The following MAF variants were observed in gnomAD, a reference collection of about 807,000 sequenced individuals.
The protein encoded by MAF is transcription factor Maf.
Under a neutral mutation model 22.0 loss-of-function variants are expected in MAF, and 10 were observed. The observed-to-expected ratio is 0.45, with a 90% CI of 0.28 to 0.77. The LOEUF is 0.77. Among genes scored for constraint, MAF ranks in the 30% least tolerant of loss-of-function variants. MAF has a pLI of 0.12. For synonymous variants in MAF, 337 were observed against 255.8 expected, an observed-to-expected ratio of 1.32 and a Z score of -3.03; for missense variants, 544 against 548.4, an observed-to-expected ratio of 0.99 and a Z score of 0.08.
the MAF span, among the ~76,000 whole-genome samples, chr16:79,448,357 A>C: frequency 9.2e-5 from 14 of 151,764 alleles, no homozygotes; most frequent in African/African-American, 3.4e-4. Flanking sequence ...GACTTTCTGA[A>C]GGCTCAGATG....
chr16:79,490,843 G>A, the MAF span, among the ~76,000 whole-genome samples: 2 of 152,200 alleles, frequency 1.3e-5, no homozygotes, highest in African/African-American at 4.8e-5. Context: ...CTCTTGGGCT[G>A]TCATGTTCCC....
chr16:79,482,535 G>A, the MAF span, among the ~76,000 whole-genome samples: 1 of 152,152 alleles, frequency 6.6e-6, no homozygotes, highest in Non-Finnish European at 1.5e-5. Flanking sequence ...ACAATCTGAT[G>A]AGGAAGTCTC....
At chr16:79,211,576 ATTT>A in the MAF span, 1 of 1,607,964 alleles carries the variant, frequency 6.2e-7, no homozygotes, top group Non-Finnish European at 8.5e-7. Flanking sequence ...TTTTCTTAAA[ATTT>A]TTTTTTGTCT....
chr16:79,352,093 G>C, the MAF span, among the ~76,000 whole-genome samples: 3 of 152,248 alleles, frequency 2.0e-5, no homozygotes, highest in African/African-American at 7.2e-5. Flanking sequence ...AGTTCTTAGG[G>C]GAGATGGCAC....
chr16:79,250,385 G>T, the MAF span, among the ~76,000 whole-genome samples: 1 of 152,256 alleles, frequency 6.6e-6, no homozygotes, highest in Admixed American at 6.5e-5. Flanking sequence ...CCGCAACTCA[G>T]CTGTCTCCAA....
chr16:79,516,580 G>A, the MAF span, among the ~76,000 whole-genome samples: 127,439 of 152,206 alleles, frequency 0.84, 53,620 homozygotes, highest in East Asian at 0.92. Context: ...GTTGACATTT[G>A]TCAAATGTTT....
the MAF span, among the ~76,000 whole-genome samples, chr16:79,233,667 C>A: frequency 2.0e-5 from 3 of 152,016 alleles, no homozygotes; most frequent in Non-Finnish European, 2.9e-5. Context: ...GTAATATTGA[C>A]ATTTGAAAAA....
At position 79,599,857 on chromosome 16, in the gene MAF, G is replaced by T; in HGVS notation, c.46C>A (p.Pro16Thr). The T allele has an allele frequency of 6.2e-7, 1 of 1,609,648 alleles. No homozygotes were observed. Among genetic ancestry groups the T allele is most frequent in the Non-Finnish European group, 8.5e-7 (1 of 1,179,890 alleles). Reference sequence around the variant, plus strand: ...TCATTAACATATTCCATGGCCAGGGGACTGGTGGGCAGGTCGGAGTTGCTC... The same window carrying T: ...TCATTAACATATTCCATGGCCAGGGTACTGGTGGGCAGGTCGGAGTTGCTC... ...AMSNSDLPTSPLAMEYVNDFD... is the reference protein window; with the variant it reads ...AMSNSDLPTSTLAMEYVNDFD... The change falls in exon 1 of 2, where the codon CCC becomes ACC. Residue 16 changes from proline to threonine, a missense_variant. By Grantham distance (38) the Pro-to-Thr change is conservative. Coordinates refer to ENST00000326043, the MANE Select transcript of MAF (RefSeq NM_005360.5).
the MAF span, among the ~76,000 whole-genome samples, chr16:79,493,252 G>A: frequency 1.4e-4 from 22 of 151,910 alleles, no homozygotes; most frequent in East Asian, 1.9e-3. Flanking sequence ...GCATGATCTC[G>A]ACTCACTACA....
chr16:79,442,294 G>A, the MAF span, among the ~76,000 whole-genome samples: 33 of 152,168 alleles, frequency 2.2e-4, no homozygotes, highest in Non-Finnish European at 4.7e-4. Context: ...GGAAGCAACC[G>A]AAAGAACTAA....
At chr16:79,271,249 G>A in the MAF span, among the ~76,000 whole-genome samples, 3 of 151,960 alleles carry the variant, frequency 2.0e-5, no homozygotes, top group East Asian at 5.8e-4. Context: ...ACCATGTTAG[G>A]GCCCTAGCTC....
Position 79,596,704 on chromosome 16 carries a change from A to T in MAF, c.1118+2081T>A. On this transcript the variant is annotated intron_variant, in intron 1 of 1. Coordinates refer to ENST00000326043, the MANE Select transcript of MAF (RefSeq NM_005360.5). ...CATTTCTTTTTAAAGACAGGATGTC[A>T]GTCCCTGAAAATAACATTTACTGAT... is the stretch of plus-strand genomic sequence containing the variant. The T allele has an allele frequency of 3.8e-6, 4 of 1,040,358 alleles. No individual in the cohort carries two copies. The South Asian group carries it at 1.8e-4, about 48-fold the overall frequency. 64.4% of individuals were successfully genotyped at this position (1,040,358 alleles called of 1,614,324 possible).
the MAF span, among the ~76,000 whole-genome samples, chr16:79,224,076 G>A: frequency 0.047 from 7,153 of 152,024 alleles, 317 homozygotes; most frequent in African/African-American, 0.12. Context: ...ATTTGAGGCC[G>A]ATATCCCTGA....
the MAF span, among the ~76,000 whole-genome samples, chr16:79,475,122 T>G: frequency 5.9e-5 from 9 of 152,328 alleles, no homozygotes; most frequent in East Asian, 1.4e-3. Context: ...AGCTCAGCAG[T>G]GTCCCTTCTC....
the MAF span, among the ~76,000 whole-genome samples, chr16:79,578,306 C>A: frequency 6.6e-6 from 1 of 151,790 alleles, no homozygotes; most frequent in African/African-American, 2.4e-5. Flanking sequence ...AAGATTTATA[C>A]CAGGGACCCA....
At chr16:79,403,740 T>C in the MAF span, among the ~76,000 whole-genome samples, 1 of 152,114 alleles carries the variant, frequency 6.6e-6, no homozygotes, top group Non-Finnish European at 1.5e-5. Context: ...CAACCTAACA[T>C]AGGAAAAACA....
chr16:79,532,436 C>G, the MAF span, among the ~76,000 whole-genome samples: 2 of 152,164 alleles, frequency 1.3e-5, no homozygotes, highest in African/African-American at 4.8e-5. Flanking sequence ...GAGTAAGAAG[C>G]TGGTACATTT....
At chr16:79,220,758 T>C in the MAF span, among the ~76,000 whole-genome samples, 1 of 152,240 alleles carries the variant, frequency 6.6e-6, no homozygotes, top group Admixed American at 6.5e-5. Context: ...ACTGGCAAGA[T>C]ACTTTTTCTG....
At chr16:79,289,268 G>T in the MAF span, among the ~76,000 whole-genome samples, 8 of 152,112 alleles carry the variant, frequency 5.3e-5, no homozygotes, top group South Asian at 4.2e-4. Flanking sequence ...AGGAGGTGAT[G>T]GAAGACTGGG....
Sources: allele counts gnomAD v4.1 joint callset (sites outside exome capture counted in the v4.1 genomes callset), GRCh38; gene constraint gnomAD v4.1.1; transcripts MANE v1.5; gene names NCBI Gene and HGNC (gene_info 2026-07-23, HGNC 2026-07-21).